Variants in RALGPS2 observed in about 807,000 individuals in gnomAD.
RALGPS2 encodes the protein ras-specific guanine nucleotide-releasing factor RalGPS2.
Under a neutral mutation model 86.8 loss-of-function variants are expected in RALGPS2, and 43 were observed. The observed-to-expected ratio is 0.50, with a 90% CI of 0.39 to 0.64. RALGPS2 has a LOEUF of 0.64. Among genes scored for constraint, RALGPS2 ranks in the 30% least tolerant of loss-of-function variants. The pLI is 0.00. For synonymous variants in RALGPS2, 243 were observed against 231.3 expected (o/e 1.05, Z -0.46); for missense variants, 536 against 694.6 (o/e 0.77, Z 2.57).
chr1:178,779,945 G>A (rs894023447), intron 2 of RALGPS2, among the ~76,000 whole-genome samples: 2 of 152,118 alleles, frequency 1.3e-5, no homozygotes, highest in Non-Finnish European at 2.9e-5. Context: ...TGTTGGCCAG[G>A]CTGGTCTTGA....
intron 4 of RALGPS2, among the ~76,000 whole-genome samples, chr1:178,801,816 AAGGGAGGG>A (rs34355414): frequency 7.0e-6 from 1 of 141,888 alleles, no homozygotes; most frequent in Non-Finnish European, 1.5e-5. Flanking sequence ...TGATGGGTAG[AAGGGAGGG>A]AGGGAGGGAG....
chr1:178,775,589 T>A lies in RALGPS2; in HGVS notation c.-83-1093T>A, dbSNP rs182587862. On this transcript the variant is annotated intron_variant, in intron 1 of 19. Transcript: ENST00000367635. The stretch of plus-strand genomic sequence containing the variant: ...GTTATTTATGGAAAGGTATTAGAAC[T>A]TCAAGTAAGTACTCTGACTTCCAGT... Among the ~76,000 whole-genome samples, 453 of 152,278 alleles carry A rather than the reference T, an allele frequency of 3.0e-3. 2 individuals carry two copies. The highest frequency in any genetic ancestry group is 0.01 in the African/African-American group (434 of 41,572).
intron 8 of RALGPS2, chr1:178,849,984 T>TC (rs1465274272): frequency 6.6e-6 from 1 of 152,646 alleles, no homozygotes; most frequent in Non-Finnish European, 1.5e-5. Context: ...AGGAAATTGT[T>TC]CCAGAAAGTC....
At chr1:178,853,609 A>G (rs779674953) in intron 8 of RALGPS2, 15 of 1,594,936 alleles carry the variant, frequency 9.4e-6, no homozygotes, top group Middle Eastern at 1.7e-4. Flanking sequence ...AATTTTCCCA[A>G]TTTCTGAAGA....
intron 8 of RALGPS2, chr1:178,865,565 T>C (rs1416205191): frequency 2.5e-6 from 4 of 1,614,026 alleles, no homozygotes; most frequent in Admixed American, 3.3e-5. Context: ...ACTTGCATCT[T>C]GCCCCTTGGT....
intron 6 of RALGPS2, among the ~76,000 whole-genome samples, chr1:178,813,160 C>G (rs1237647291): frequency 6.6e-6 from 1 of 152,030 alleles, no homozygotes; most frequent in Non-Finnish European, 1.5e-5. Flanking sequence ...TCTTGAACAC[C>G]TGACCTCAAG....
At chr1:178,774,691 A>G (rs969200566) in intron 1 of RALGPS2, among the ~76,000 whole-genome samples, 1 of 152,204 alleles carries the variant, frequency 6.6e-6, no homozygotes, top group African/African-American at 2.4e-5. Context: ...ATTGTTTTGT[A>G]GTTTATTCAT....
chr1:178,731,780 A>G (rs1354330468), intron 1 of RALGPS2, among the ~76,000 whole-genome samples: 1 of 152,044 alleles, frequency 6.6e-6, no homozygotes, highest in Non-Finnish European at 1.5e-5. Flanking sequence ...AGTGTCCATG[A>G]TTATATGGAG....
In RALGPS2 at chr1:178,783,111, A is replaced by G. The variant is rs553281192; in HGVS notation, c.58-1307A>G. 4.6e-5 allele frequency among the ~76,000 whole-genome samples: 7 copies of G among 152,330 alleles called. No homozygotes were observed. In the South Asian group the frequency reaches 1.5e-3, roughly 32 times the overall value. Reference sequence around the variant, plus strand: ...CAAAGTCTCTAATGAAAAAAAGCGTACAGCATGCGAGAACAAATGGATAAT... The same window carrying G: ...CAAAGTCTCTAATGAAAAAAAGCGTGCAGCATGCGAGAACAAATGGATAAT... On this transcript the variant is annotated intron_variant, in intron 2 of 19. Transcript: ENST00000367635.
At chr1:178,813,452 C>CA (rs758288476) in intron 6 of RALGPS2, among the ~76,000 whole-genome samples, 5 of 152,148 alleles carry the variant, frequency 3.3e-5, no homozygotes, top group Non-Finnish European at 7.3e-5. Flanking sequence ...GCTCTAAACT[C>CA]ATAATTGTTT....
intron 18 of RALGPS2, among the ~76,000 whole-genome samples, chr1:178,905,016 G>C (rs1660333659): frequency 6.6e-6 from 1 of 152,050 alleles, no homozygotes; most frequent in South Asian, 2.1e-4. Flanking sequence ...TGTGTCATCA[G>C]TGATTTTTTT....
intron 8 of RALGPS2, among the ~76,000 whole-genome samples, chr1:178,854,866 G>A (rs1572405999): frequency 6.6e-6 from 1 of 152,060 alleles, no homozygotes; most frequent in Non-Finnish European, 1.5e-5. Flanking sequence ...TACTTTTAGG[G>A]TGTCTGACTC....
chr1:178,873,225 G>A (rs1348826745), intron 8 of RALGPS2, among the ~76,000 whole-genome samples: 2 of 152,156 alleles, frequency 1.3e-5, no homozygotes, highest in African/African-American at 4.8e-5. Flanking sequence ...ATTATTTAGT[G>A]TGTTGAAGGG....
intron 18 of RALGPS2, among the ~76,000 whole-genome samples, chr1:178,903,057 T>C (rs1660243299): frequency 6.6e-6 from 1 of 152,118 alleles, no homozygotes; most frequent in Admixed American, 6.6e-5. Flanking sequence ...TCAGAAAATA[T>C]CCCCAAGTGG....
chr1:178,829,544 C>T (rs1007688626), intron 7 of RALGPS2, among the ~76,000 whole-genome samples: 27 of 152,102 alleles, frequency 1.8e-4, no homozygotes, highest in African/African-American at 6.3e-4. Context: ...ACAGTTTCAT[C>T]CCAAAACCTT....
At position 178,877,535 on chromosome 1, in the gene RALGPS2, A is replaced by G. The variant is rs1257809333; in HGVS notation, c.645A>G (p.Ala215=). ...CAGATTTAACATACATCGATTCAGC[A>G]TACCCATCAACTGGCAGCATTCTAG... is the stretch of plus-strand genomic sequence containing the variant. The part of the protein sequence containing the change: ...YLSDLTYIDS[A]YPSTGSILEN... The change falls in exon 9 of 20, where the codon GCA becomes GCG. Residue 215 remains alanine (A), a synonymous_variant. Transcript: ENST00000367635. The G allele has an allele frequency of 2.5e-6, 4 of 1,613,468 alleles. No homozygotes were observed. The highest frequency in any genetic ancestry group is 1.6e-4 in the Middle Eastern group (1 of 6,076).
chr1:178,742,149 A>AAG (rs1553258263), intron 1 of RALGPS2, among the ~76,000 whole-genome samples: 1,790 of 148,434 alleles, frequency 0.012, 36 homozygotes, highest in African/African-American at 0.044. Context: ...AAAAAAAAAA[A>AAG]AAGAAGAAGA....
intron 1 of RALGPS2, chr1:178,747,500 A>G (rs930310234): frequency 2.5e-6 from 4 of 1,609,548 alleles, no homozygotes; most frequent in African/African-American, 2.7e-5. Flanking sequence ...TTCTTTCTCC[A>G]TAATGCGGTT....
intron 1 of RALGPS2, among the ~76,000 whole-genome samples, chr1:178,765,508 C>T (rs1369375818): frequency 6.6e-6 from 1 of 152,054 alleles, no homozygotes; most frequent in Non-Finnish European, 1.5e-5. Context: ...CAAATGGAGG[C>T]AGGGTGAGAT....
Sources: gnomAD v4.1 joint callset for allele counts (sites outside exome capture counted in the v4.1 genomes callset) on GRCh38, gnomAD v4.1.1 for gene constraint, MANE v1.5 for transcripts, NCBI Gene and HGNC (gene_info 2026-07-23, HGNC 2026-07-21) for gene names.